Variants in SAMSN1 observed in about 807,000 individuals in gnomAD.
SAMSN1 encodes SAM domain-containing protein SAMSN-1.
In SAMSN1, 31 loss-of-function variants were observed where a neutral mutation model predicts 42.0. That is an observed-to-expected ratio of 0.74 (90% CI 0.55 to 1.00). SAMSN1 has a LOEUF of 1.00. Among genes scored for constraint, SAMSN1 ranks in the 50% least tolerant of loss-of-function variants. The pLI is 0.00. For missense variants in SAMSN1, 464 were observed against 439.4 expected, an observed-to-expected ratio of 1.06 and a Z score of -0.50; for synonymous variants, 178 against 151.9, an observed-to-expected ratio of 1.17 and a Z score of -1.26.
intron 5 of SAMSN1, among the ~76,000 whole-genome samples, chr21:14,607,825 A>G (rs1195032305): frequency 2.6e-5 from 4 of 152,252 alleles, no homozygotes; most frequent in Non-Finnish European, 5.9e-5. Context: ...TACATCTAAA[A>G]TAATCTGTAA....
intron 2 of SAMSN1, among the ~76,000 whole-genome samples, chr21:14,573,531 C>CAAAACA (rs921959196): frequency 5.9e-5 from 9 of 151,826 alleles, no homozygotes; most frequent in South Asian, 2.1e-4. Flanking sequence ...GTTCAGAAAT[C>CAAAACA]AAAACAAAAA....
intron 1 of SAMSN1, among the ~76,000 whole-genome samples, chr21:14,540,294 G>A (rs1237636177): frequency 6.6e-6 from 1 of 152,142 alleles, no homozygotes; most frequent in Non-Finnish European, 1.5e-5. Flanking sequence ...TGACAAATGG[G>A]ATCTAATTGA....
chr21:14,526,684 TC>T (rs1286453190), intron 1 of SAMSN1, among the ~76,000 whole-genome samples: 1 of 152,184 alleles, frequency 6.6e-6, no homozygotes. Context: ...TGATATACTC[TC>T]CCCTATGCCA....
At chr21:14,529,958 C>T (rs1351866215) in intron 1 of SAMSN1, among the ~76,000 whole-genome samples, 1 of 152,066 alleles carries the variant, frequency 6.6e-6, no homozygotes, top group Non-Finnish European at 1.5e-5. Context: ...AATTTGAATT[C>T]ACTTAACCAT....
chr21:14,647,035 A>C (rs1309298569), intron 1 of SAMSN1, among the ~76,000 whole-genome samples: 8 of 152,206 alleles, frequency 5.3e-5, no homozygotes, highest in Admixed American at 1.3e-4. Context: ...ACCCGAAAAC[A>C]AGTAATAAAT....
intron 1 of SAMSN1, among the ~76,000 whole-genome samples, chr21:14,582,710 A>C (rs1332655727): frequency 2.6e-5 from 4 of 152,146 alleles, no homozygotes; most frequent in Non-Finnish European, 5.9e-5. Flanking sequence ...ACATTTTTGA[A>C]ACCATAACAA....
intron 6 of SAMSN1, among the ~76,000 whole-genome samples, 176 bp downstream of exon 6, chr21:14,500,353 A>T (rs540323988): frequency 1.3e-5 from 2 of 152,216 alleles, no homozygotes; most frequent in Non-Finnish European, 2.9e-5. Flanking sequence ...TTATATCAAG[A>T]CTTGTCCTTG....
At chr21:14,528,090 T>C (rs1355603972) in intron 1 of SAMSN1, among the ~76,000 whole-genome samples, 1 of 152,164 alleles carries the variant, frequency 6.6e-6, no homozygotes, top group Non-Finnish European at 1.5e-5. Context: ...GAAGAATTGG[T>C]ATAATCAATT....
chr21:14,546,383 T>A, upstream of SAMSN1: 1 of 1,470,046 alleles, frequency 6.8e-7, no homozygotes, highest in Non-Finnish European at 9.0e-7. Flanking sequence ...GACCTGCCAC[T>A]TCCTCCTTCA....
rs370543566 is a variant in SAMSN1, at chr21:14,570,343, C to A, written c.261+11793G>T. Among the ~76,000 whole-genome samples the A allele has an allele frequency of 1.3e-4, 20 of 152,284 alleles. No homozygotes were observed. The East Asian group carries it at 2.1e-3, about 16-fold the overall frequency. ...TCTAAAAGGCCAATTTCCCTTGAAA[C>A]CTTGCATGGCTCCAAGCCACTCTTT... is the stretch of plus-strand genomic sequence containing the variant. On this transcript the variant is annotated intron_variant, in intron 2 of 8. Coordinates refer to the SAMSN1 transcript ENST00000285670.
At chr21:14,534,195 T>C (rs570822086) in intron 1 of SAMSN1, among the ~76,000 whole-genome samples, 4 of 152,328 alleles carry the variant, frequency 2.6e-5, no homozygotes, top group African/African-American at 9.6e-5. Flanking sequence ...TATTATCCAT[T>C]AGTCATTTCA....
chr21:14,619,796 T>C (rs1423565139), intron 2 of SAMSN1: 2 of 191,080 alleles, frequency 1.0e-5, no homozygotes, highest in Non-Finnish European at 2.5e-5. Flanking sequence ...TTTTTTTTAA[T>C]TGCCGTGTAG....
intron 7 of SAMSN1, among the ~76,000 whole-genome samples, chr21:14,492,656 C>T (rs1202256231): frequency 6.6e-6 from 1 of 152,146 alleles, no homozygotes; most frequent in East Asian, 1.9e-4. Flanking sequence ...AATCTGTGAA[C>T]ACTTTTCACT....
intron 1 of SAMSN1, among the ~76,000 whole-genome samples, chr21:14,527,980 G>T (rs184232129): frequency 6.6e-6 from 1 of 152,090 alleles, no homozygotes; most frequent in African/African-American, 2.4e-5. Context: ...CTTGAAAGGA[G>T]TTCTTAAATA....
At chr21:14,602,594 G>A (rs1200536859) in intron 5 of SAMSN1, among the ~76,000 whole-genome samples, 2 of 152,188 alleles carry the variant, frequency 1.3e-5, no homozygotes, top group Non-Finnish European at 2.9e-5. Context: ...TTTGCTTGCA[G>A]CTAAATGAAA....
At chr21:14,545,105 A>G (rs989397455) in intron 1 of SAMSN1, among the ~76,000 whole-genome samples, 1 of 152,132 alleles carries the variant, frequency 6.6e-6, no homozygotes, top group Admixed American at 6.5e-5. Flanking sequence ...TCTATCCATT[A>G]TTATGCATAT....
intron 1 of SAMSN1, among the ~76,000 whole-genome samples, chr21:14,655,735 G>C (rs1194506316): frequency 6.6e-6 from 1 of 151,680 alleles, no homozygotes; most frequent in East Asian, 1.9e-4. Flanking sequence ...ATAAGAGTAG[G>C]ATGGCTGATA....
intron 7 of SAMSN1, among the ~76,000 whole-genome samples, chr21:14,496,860 G>C (rs146059988): frequency 4.7e-4 from 71 of 152,248 alleles, no homozygotes; most frequent in Admixed American, 2.0e-3. Flanking sequence ...AGGATGATAA[G>C]AATAAAGTAA....
intron 2 of SAMSN1, among the ~76,000 whole-genome samples, chr21:14,574,286 T>C (rs1981392820): frequency 6.6e-6 from 1 of 152,220 alleles, no homozygotes; most frequent in South Asian, 2.1e-4. Flanking sequence ...AATGTAGTTA[T>C]ACTTGATTAT....
Sources: gnomAD v4.1 joint callset for allele counts (sites outside exome capture counted in the v4.1 genomes callset) on GRCh38, gnomAD v4.1.1 for gene constraint, MANE v1.5 for transcripts, NCBI Gene and HGNC (gene_info 2026-07-23, HGNC 2026-07-21) for gene names.